Variants in LYRM4 observed in about 807,000 individuals in gnomAD.
LYRM4 encodes the protein LYR motif-containing protein 4.
LYRM4 carries 9 observed loss-of-function variants against 11.7 expected under a neutral mutation model. The ratio of observed to expected loss-of-function variants is 0.77; its 90% confidence interval spans 0.46 to 1.34. LYRM4 has a LOEUF of 1.34. Ranked by LOEUF, LYRM4 falls within the 40% of genes most tolerant of loss-of-function variation. LYRM4 has a pLI of 0.00. For synonymous variants in LYRM4, 42 were observed against 40.4 expected (o/e 1.04, Z -0.15); for missense variants, 133 against 112.5 (o/e 1.18, Z -0.82).
intron 2 of LYRM4, among the ~76,000 whole-genome samples, chr6:5,141,601 T>C (rs1227167925): frequency 6.6e-6 from 1 of 152,172 alleles, no homozygotes; most frequent in Non-Finnish European, 1.5e-5. Flanking sequence ...GTTTAACTGA[T>C]AATTTAGTAG....
the LYRM4 span, among the ~76,000 whole-genome samples, chr6:5,079,323 A>G: frequency 1.2e-4 from 18 of 152,350 alleles, no homozygotes; most frequent in African/African-American, 3.8e-4. Flanking sequence ...ACACAGATTC[A>G]TCTCTGCATA....
intron 1 of LYRM4, among the ~76,000 whole-genome samples, 183 bp from the exon 2 acceptor site, chr6:5,216,921 G>A (rs1396835965): frequency 1.3e-5 from 2 of 152,248 alleles, no homozygotes; most frequent in Non-Finnish European, 2.9e-5. Context: ...TAAGCAAACA[G>A]ATTTAGGAAA....
chr6:5,085,599 C>A, the LYRM4 span: 2 of 1,546,466 alleles, frequency 1.3e-6, no homozygotes, highest in African/African-American at 1.4e-5. Flanking sequence ...TGCAGGGTGG[C>A]GGCGACGGCG....
At chr6:5,095,002 C>T in the LYRM4 span, among the ~76,000 whole-genome samples, 2 of 152,116 alleles carry the variant, frequency 1.3e-5, no homozygotes, top group African/African-American at 4.8e-5. Flanking sequence ...GTTTTCAACA[C>T]CAAGATAATC....
intron 2 of LYRM4, among the ~76,000 whole-genome samples, chr6:5,127,861 A>AT (rs1364331272): frequency 6.6e-6 from 1 of 152,088 alleles, no homozygotes; most frequent in African/African-American, 2.4e-5. Context: ...AAAACCTGTG[A>AT]TAAAAACAAC....
At chr6:5,063,223 G>A in the LYRM4 span, among the ~76,000 whole-genome samples, 2 of 151,860 alleles carry the variant, frequency 1.3e-5, no homozygotes, top group African/African-American at 2.4e-5. Flanking sequence ...TGGCACAGAC[G>A]GGACGGCCAC....
the LYRM4 span, chr6:5,054,214 A>C: frequency 4.2e-6 from 2 of 480,676 alleles, no homozygotes; most frequent in Non-Finnish European, 5.4e-6. Context: ...CTATTTATCA[A>C]ATGAATGCCT....
chr6:5,040,438 A>C, the LYRM4 span, among the ~76,000 whole-genome samples: 1 of 151,564 alleles, frequency 6.6e-6, no homozygotes, highest in Non-Finnish European at 1.5e-5. Flanking sequence ...ATGGTGGCTC[A>C]TGCCTGTAAT....
intron 2 of LYRM4, among the ~76,000 whole-genome samples, chr6:5,133,146 C>T (rs530558141): frequency 7.9e-5 from 12 of 152,320 alleles, no homozygotes; most frequent in Non-Finnish European, 1.2e-4. Context: ...TGCCATCTCA[C>T]GGGTGAGGCT....
chr6:5,254,048 G>C (rs1479981388), intron 1 of LYRM4, among the ~76,000 whole-genome samples: 1 of 152,180 alleles, frequency 6.6e-6, no homozygotes, highest in Non-Finnish European at 1.5e-5. Flanking sequence ...TTGGTTGTCT[G>C]CTCCACTAGA....
At chr6:5,216,946 C>G (rs967485086) in intron 1 of LYRM4, among the ~76,000 whole-genome samples, 1 of 152,238 alleles carries the variant, frequency 6.6e-6, no homozygotes, top group Non-Finnish European at 1.5e-5. Flanking sequence ...ATCTACTCAA[C>G]AAGTCACATA....
intron 2 of LYRM4, among the ~76,000 whole-genome samples, chr6:5,156,415 C>G (rs574099300): frequency 1.3e-5 from 2 of 152,272 alleles, no homozygotes; most frequent in South Asian, 2.1e-4. Flanking sequence ...TGTGCCTGTG[C>G]ATTTGCTATA....
chr6:5,194,595 A>G (rs2127696241), intron 2 of LYRM4, among the ~76,000 whole-genome samples: 1 of 152,360 alleles, frequency 6.6e-6, no homozygotes. Context: ...TCCTATAAAA[A>G]CATCAAGTAT....
chr6:5,109,641 C>A, intron 2 of LYRM4, 150 bp from the exon 3 acceptor site: 1 of 705,782 alleles, frequency 1.4e-6, no homozygotes, highest in Non-Finnish European at 2.5e-6. Flanking sequence ...GCAAAGCCGG[C>A]CACTAGAGCA....
At chr6:5,077,628 G>A in the LYRM4 span, among the ~76,000 whole-genome samples, 1 of 152,192 alleles carries the variant, frequency 6.6e-6, no homozygotes, top group Non-Finnish European at 1.5e-5. Context: ...TAAAAGGGGT[G>A]TAAGATCTAC....
At chr6:5,135,879 C>T (rs907938369) in intron 2 of LYRM4, among the ~76,000 whole-genome samples, 1 of 152,212 alleles carries the variant, frequency 6.6e-6, no homozygotes. Flanking sequence ...TTTTCCTCCA[C>T]TGAAACCCTG....
intron 1 of LYRM4, among the ~76,000 whole-genome samples, chr6:5,241,489 T>A (rs1042075229): frequency 1.3e-5 from 2 of 152,236 alleles, no homozygotes; most frequent in African/African-American, 4.8e-5. Context: ...TGAAACCAAT[T>A]CTTCCAATGC....
chr6:5,222,194 G>C (rs945192466), intron 1 of LYRM4, among the ~76,000 whole-genome samples: 1 of 152,148 alleles, frequency 6.6e-6, no homozygotes, highest in Non-Finnish European at 1.5e-5. Flanking sequence ...CTGGTACAGA[G>C]AAGATATTCA....
intron 2 of LYRM4, among the ~76,000 whole-genome samples, chr6:5,120,445 T>C (rs576989919): frequency 6.6e-6 from 1 of 152,266 alleles, no homozygotes; most frequent in South Asian, 2.1e-4. Context: ...GCCACAGACC[T>C]TTACCGTGAG....
Sources: allele counts gnomAD v4.1 joint callset (sites outside exome capture counted in the v4.1 genomes callset), GRCh38; gene constraint gnomAD v4.1.1; transcripts MANE v1.5; gene names NCBI Gene and HGNC (gene_info 2026-07-23, HGNC 2026-07-21).